The following FRK variants were observed in gnomAD, a reference collection of about 807,000 sequenced individuals.
FRK encodes the protein tyrosine-protein kinase FRK.
In FRK, 51 loss-of-function variants were observed where a neutral mutation model predicts 56.4. The observed-to-expected ratio is 0.90, with a 90% CI of 0.72 to 1.14. FRK has a LOEUF of 1.14. FRK is among the 50% of genes most tolerant of loss of function. FRK has a pLI of 0.00. For missense variants in FRK, 570 were observed against 601.4 expected (o/e 0.95, Z 0.55); for synonymous variants, 245 against 217.9 (o/e 1.12, Z -1.10).
intron 1 of FRK, among the ~76,000 whole-genome samples, chr6:116,004,430 A>C (rs1775177697): frequency 6.6e-6 from 1 of 152,158 alleles, no homozygotes; most frequent in Non-Finnish European, 1.5e-5. Flanking sequence ...CAATCAAAGG[A>C]TCCATGTACT....
chr6:116,028,678 C>A (rs542515364), intron 1 of FRK, among the ~76,000 whole-genome samples: 6 of 152,102 alleles, frequency 3.9e-5, no homozygotes, highest in Non-Finnish European at 8.8e-5. Flanking sequence ...ATGTCTGAGT[C>A]TCCAAATTTC....
At chr6:116,043,115 T>C (rs889094284) in intron 1 of FRK, among the ~76,000 whole-genome samples, 7 of 152,194 alleles carry the variant, frequency 4.6e-5, no homozygotes, top group Non-Finnish European at 1.0e-4. Flanking sequence ...CAAACAGACT[T>C]AGACTCTCAC....
At chr6:116,084,355 T>A in the FRK span, among the ~76,000 whole-genome samples, 3 of 152,208 alleles carry the variant, frequency 2.0e-5, no homozygotes, top group Admixed American at 6.5e-5. Flanking sequence ...TTGGTAGTCA[T>A]ATTGATCTGG....
chr6:116,087,318 G>GA, the FRK span, among the ~76,000 whole-genome samples: 1 of 151,960 alleles, frequency 6.6e-6, no homozygotes, highest in African/African-American at 2.4e-5. Context: ...CATTTAAAAA[G>GA]AAAAAAATAG....
rs920508012 is a variant in FRK, at chr6:115,938,574, G to C, written c.*3840C>G. ...AAAAGATCAACAAAATAGAATGCTA[G>C]CCAGACTAATAAAGAAGAAAAGAGA... On this transcript the variant is annotated 3_prime_UTR_variant, in exon 8 of 8. Coordinates refer to ENST00000606080, the MANE Select transcript of FRK (RefSeq NM_002031.3). 6.6e-6 allele frequency: 1 copy of C among 152,020 alleles called. No homozygotes were observed. 9.4% of individuals were successfully genotyped at this position (152,020 alleles called of 1,614,324 possible).
At chr6:116,039,792 G>C (rs574106974) in intron 1 of FRK, among the ~76,000 whole-genome samples, 1 of 151,978 alleles carries the variant, frequency 6.6e-6, no homozygotes, top group East Asian at 1.9e-4. Context: ...CCCTAATGAG[G>C]GAAGGAGAGA....
the FRK span, among the ~76,000 whole-genome samples, chr6:116,092,695 C>T: frequency 6.6e-6 from 1 of 152,124 alleles, no homozygotes; most frequent in Non-Finnish European, 1.5e-5. Context: ...GGTTCTTGAG[C>T]AAGAAGGGTT....
At chr6:115,979,909 G>A (rs1206911306) in intron 2 of FRK, among the ~76,000 whole-genome samples, 1 of 152,060 alleles carries the variant, frequency 6.6e-6, no homozygotes, top group Non-Finnish European at 1.5e-5. Flanking sequence ...ACTTGGTAAT[G>A]TCCACACAAT....
chr6:116,013,530 G>C (rs1775544725), intron 1 of FRK, among the ~76,000 whole-genome samples: 1 of 152,166 alleles, frequency 6.6e-6, no homozygotes, highest in Non-Finnish European at 1.5e-5. Context: ...GGATGGGTTA[G>C]AGTTGAAAGC....
chr6:116,009,160 C>T (rs967355157), intron 1 of FRK, among the ~76,000 whole-genome samples: 2 of 152,182 alleles, frequency 1.3e-5, no homozygotes, highest in East Asian at 3.8e-4. Context: ...GAGTTGGCCC[C>T]CTTTGATTGG....
intron 1 of FRK, among the ~76,000 whole-genome samples, chr6:116,035,632 G>GAC (rs1776450216): frequency 6.6e-6 from 1 of 152,080 alleles, no homozygotes; most frequent in Non-Finnish European, 1.5e-5. Context: ...ATCAAAAAAT[G>GAC]AAGAAGCAAG....
At chr6:115,962,637 T>C (rs28809907) in intron 4 of FRK, among the ~76,000 whole-genome samples, 3,760 of 24,320 alleles carry the variant, frequency 0.15, 476 homozygotes, top group Non-Finnish European at 0.23. Context: ...ATTGACCACA[T>C]AGTTGGAAGT....
chr6:116,022,177 T>C (rs1582723282), intron 1 of FRK, among the ~76,000 whole-genome samples: 2 of 152,192 alleles, frequency 1.3e-5, no homozygotes, highest in East Asian at 3.9e-4. Flanking sequence ...ATTCATAATT[T>C]AAAACCTTCG....
In FRK at chr6:116,060,076, C is replaced by T. The variant is rs757790735; in HGVS notation, c.236G>A (p.Trp79Ter). The T allele has an allele frequency of 1.2e-6, 2 of 1,614,190 alleles. No homozygotes were observed. Among genetic ancestry groups the T allele is most frequent in the African/African-American group, 1.3e-5 (1 of 75,056 alleles). The change falls in exon 1 of 8, where the codon TGG becomes TAG. Residue 79 changes from tryptophan to a stop codon, truncating the protein, a stop_gained. Transcript: ENST00000606080. LOFTEE classifies it high-confidence loss of function. Reference protein sequence around the residue: ...LQVLDTLHEGWWFARHLEKRR... With the variant: ...LQVLDTLHEG Reference sequence around the variant, plus strand: ...TTTCTCCAAGTGTCTGGCAAACCACCAGCCCTCATGCAAAGTGTCCAGAAC... The same window carrying T: ...TTTCTCCAAGTGTCTGGCAAACCACTAGCCCTCATGCAAAGTGTCCAGAAC...
chr6:116,027,342 T>A (rs1186107547), intron 1 of FRK, among the ~76,000 whole-genome samples: 1 of 152,190 alleles, frequency 6.6e-6, no homozygotes, highest in African/African-American at 2.4e-5. Context: ...ATACTTATAA[T>A]AGTGAATATA....
At chr6:116,072,687 T>C in the FRK span, among the ~76,000 whole-genome samples, 1 of 152,074 alleles carries the variant, frequency 6.6e-6, no homozygotes, top group Admixed American at 6.6e-5. Context: ...ATGGAAGAGC[T>C]TCCACTGACC....
chr6:115,968,087 G>T (rs1773657467), intron 3 of FRK, among the ~76,000 whole-genome samples: 1 of 151,814 alleles, frequency 6.6e-6, no homozygotes, highest in Non-Finnish European at 1.5e-5. Flanking sequence ...CAAATTCTTT[G>T]GCTATAGTTT....
At chr6:116,069,355 G>A in the FRK span, among the ~76,000 whole-genome samples, 1 of 152,100 alleles carries the variant, frequency 6.6e-6, no homozygotes, top group African/African-American at 2.4e-5. Context: ...TCATCTTCAA[G>A]TTTCTTGGCT....
At chr6:116,059,136 C>T (rs1777514333) in intron 1 of FRK, among the ~76,000 whole-genome samples, 1 of 152,110 alleles carries the variant, frequency 6.6e-6, no homozygotes, top group Non-Finnish European at 1.5e-5. Context: ...AGGCCCACTA[C>T]TGTCTATGCC....
Sources: allele counts gnomAD v4.1 joint callset (sites outside exome capture counted in the v4.1 genomes callset), GRCh38; gene constraint gnomAD v4.1.1; transcripts MANE v1.5; gene names NCBI Gene and HGNC (gene_info 2026-07-23, HGNC 2026-07-21).